Variants in ABCB4 observed in about 807,000 individuals in gnomAD.
ABCB4 encodes phosphatidylcholine translocator ABCB4.
ABCB4 carries 76 observed loss-of-function variants against 145.7 expected under a neutral mutation model. The observed-to-expected ratio is 0.52, with a 90% CI of 0.43 to 0.63. The LOEUF (loss-of-function observed/expected upper bound fraction) is 0.63, where lower values mean the gene tolerates loss of function less well. Ranked by LOEUF, ABCB4 falls within the 30% of genes least tolerant of loss-of-function variation. ABCB4 has a pLI of 0.00. For missense variants in ABCB4, 1,234 were observed against 1,553.1 expected, an observed-to-expected ratio of 0.79 and a Z score of 3.45; for synonymous variants, 517 against 566.8, an observed-to-expected ratio of 0.91 and a Z score of 1.25.
At chr7:87,425,087 C>T (rs968374130) in intron 16 of ABCB4, among the ~76,000 whole-genome samples, 1 of 151,688 alleles carries the variant, frequency 6.6e-6, no homozygotes, top group African/African-American at 2.4e-5. Flanking sequence ...GTCCCTATCT[C>T]CAGCATAATG....
chr7:87,427,004 G>A, intron 15 of ABCB4, 84 bp from the exon 16 acceptor site: 1 of 1,295,886 alleles, frequency 7.7e-7, no homozygotes. Context: ...TAACCTCCAA[G>A]TTTAGAATCA....
At chr7:87,424,339 GCACAA>G (rs2116536946) in intron 16 of ABCB4, among the ~76,000 whole-genome samples, 1 of 152,278 alleles carries the variant, frequency 6.6e-6, no homozygotes, top group Non-Finnish European at 1.5e-5. Context: ...CAGGATCTGG[GCACAA>G]ATACCTTGGC....
intron 7 of ABCB4, 104 bp downstream of exon 7, chr7:87,451,519 A>C: frequency 8.1e-7 from 1 of 1,239,434 alleles, no homozygotes; most frequent in African/African-American, 1.5e-5. Flanking sequence ...GTTTCAACTG[A>C]CATTTAATGT....
At chr7:87,394,997 A>AG in the ABCB4 span, among the ~76,000 whole-genome samples, 2 of 152,122 alleles carry the variant, frequency 1.3e-5, no homozygotes, top group African/African-American at 4.8e-5. Flanking sequence ...GAAAAAAAAA[A>AG]TGCCACAAAG....
chr7:87,413,204 A>C (rs1202565747), intron 22 of ABCB4, among the ~76,000 whole-genome samples: 1 of 152,222 alleles, frequency 6.6e-6, no homozygotes, highest in Non-Finnish European at 1.5e-5. Flanking sequence ...CCTCATTCAG[A>C]GAACAAATGA....
chr7:87,375,449 T>C, the ABCB4 span: 11 of 536,282 alleles, frequency 2.1e-5, no homozygotes, highest in Admixed American at 3.6e-4. Context: ...ATGCTTTTGG[T>C]GTTAATAGAA....
At chr7:87,388,112 G>T in the ABCB4 span, among the ~76,000 whole-genome samples, 2 of 152,124 alleles carry the variant, frequency 1.3e-5, no homozygotes, top group African/African-American at 2.4e-5. Context: ...AACAGGCCTG[G>T]AGCCAAGACT....
At chr7:87,398,748 C>T (rs573569992), downstream of ABCB4, 234 of 1,098,934 alleles carry the variant, frequency 2.1e-4, 1 homozygote, top group Middle Eastern at 1.9e-3. Context: ...TGCTAACATT[C>T]CTTTAACAAG....
At chr7:87,385,843 G>A in the ABCB4 span, among the ~76,000 whole-genome samples, 1 of 152,196 alleles carries the variant, frequency 6.6e-6, no homozygotes, top group African/African-American at 2.4e-5. Context: ...TTGTTTTGAT[G>A]TATATTTCTT....
At position 87,462,812 on chromosome 7, in the gene ABCB4, A is replaced by G; in HGVS notation, c.232T>C (p.Phe78Leu). ...GSGLPLMMIV[F>L]GEMTDKFVDT... ...ACAAATTTGTCAGTCATCTCTCCAA[A>G]TACTATCATCATGAGGGGGAGACCT... Residue 78 changes from phenylalanine to leucine, a missense_variant, in exon 4 of 28, where the codon TTT (phenylalanine) becomes CTT (leucine). By Grantham distance (22) the Phe-to-Leu change is conservative (BLOSUM62 0). This residue lies in a region of ABCB4 where 467 missense variants were observed against 632.8 expected (regional missense o/e 0.74). Transcript: ENST00000649586. The G allele has an allele frequency of 1.2e-6, 2 of 1,614,000 alleles. No homozygotes were observed. The highest frequency in any genetic ancestry group is 1.7e-6 in the Non-Finnish European group (2 of 1,179,900).
At chr7:87,456,984 C>T (rs146769565) in intron 4 of ABCB4, among the ~76,000 whole-genome samples, 1 of 152,180 alleles carries the variant, frequency 6.6e-6, no homozygotes, top group African/African-American at 2.4e-5. Context: ...ACGATATCTA[C>T]ATGGTCATTT....
At chr7:87,428,084 C>G (rs1006395576) in intron 15 of ABCB4, among the ~76,000 whole-genome samples, 6 of 152,300 alleles carry the variant, frequency 3.9e-5, no homozygotes, top group Non-Finnish European at 8.8e-5. Flanking sequence ...CAGACCACCT[C>G]TCATGAATAC....
chr7:87,367,350 T>G, the ABCB4 span, among the ~76,000 whole-genome samples: 1 of 152,114 alleles, frequency 6.6e-6, no homozygotes, highest in African/African-American at 2.4e-5. Flanking sequence ...CTCTAAAAGC[T>G]GGAAAAAGGA....
intron 20 of ABCB4, among the ~76,000 whole-genome samples, chr7:87,417,888 G>C (rs1274798627): frequency 1.3e-5 from 2 of 152,202 alleles, no homozygotes; most frequent in African/African-American, 2.4e-5. Flanking sequence ...AGTGTAAAAG[G>C]GAAAGAGACC....
the ABCB4 span, chr7:87,382,156 A>G: frequency 6.2e-7 from 1 of 1,612,658 alleles, no homozygotes; most frequent in South Asian, 1.1e-5. Flanking sequence ...GACATCAACC[A>G]AGCTAAAGCC....
chr7:87,443,517 G>C, intron 11 of ABCB4, 73 bp from the exon 12 acceptor site: 2 of 1,595,332 alleles, frequency 1.3e-6, no homozygotes, highest in Non-Finnish European at 1.7e-6. Flanking sequence ...GATTCAGTTT[G>C]AAATTTGAAA....
At chr7:87,427,210 T>C (rs1253148321) in intron 15 of ABCB4, among the ~76,000 whole-genome samples, 1 of 151,846 alleles carries the variant, frequency 6.6e-6, no homozygotes, top group Admixed American at 6.6e-5. Flanking sequence ...AGGAATTTAC[T>C]TAATATGCAA....
chr7:87,462,979 T>C, intron 3 of ABCB4, 71 bp from the exon 4 acceptor site: 1 of 1,418,356 alleles, frequency 7.1e-7, no homozygotes, highest in Admixed American at 2.0e-5. Context: ...TATATATTCT[T>C]TGGATTTTTA....
chr7:87,429,254 G>T (rs45466200), intron 15 of ABCB4, among the ~76,000 whole-genome samples: 8,887 of 152,300 alleles, frequency 0.058, 308 homozygotes, highest in South Asian at 0.13. Context: ...AAGGGGCTGA[G>T]AATCACAGAA....
Sources: gnomAD v4.1 joint callset for allele counts (sites outside exome capture counted in the v4.1 genomes callset) on GRCh38, gnomAD v4.1.1 for gene constraint, gnomAD v4.1.1 regional missense constraint, MANE v1.5 for transcripts, NCBI Gene and HGNC (gene_info 2026-07-23, HGNC 2026-07-21) for gene names.